Variants in SLC36A1 observed in about 807,000 individuals in gnomAD.
SLC36A1 encodes solute carrier family 36 member 1.
SLC36A1 carries 30 observed loss-of-function variants against 47.5 expected under a neutral mutation model. The observed-to-expected ratio is 0.63, with a 90% confidence interval of 0.47 to 0.86. SLC36A1 has a LOEUF of 0.86. Among genes scored for constraint, SLC36A1 ranks in the 40% least tolerant of loss-of-function variants. The pLI is 0.00. For missense variants in SLC36A1, 517 were observed against 606.0 expected (o/e 0.85, Z 1.54); for synonymous variants, 255 against 249.7 (o/e 1.02, Z -0.20).
chr5:151,518,658 G>T, the SLC36A1 span, among the ~76,000 whole-genome samples: 1 of 152,192 alleles, frequency 6.6e-6, no homozygotes, highest in African/African-American at 2.4e-5. Flanking sequence ...AGACTGTATG[G>T]CCAAAACTTT....
the SLC36A1 span, among the ~76,000 whole-genome samples, chr5:151,370,045 C>T: frequency 1.3e-5 from 2 of 152,142 alleles, no homozygotes; most frequent in South Asian, 2.1e-4. Flanking sequence ...AAGTGATCTG[C>T]CCACCTCGAC....
the SLC36A1 span, among the ~76,000 whole-genome samples, chr5:151,548,340 A>G: frequency 2.0e-5 from 3 of 151,838 alleles, no homozygotes; most frequent in Non-Finnish European, 4.4e-5. Flanking sequence ...ATGTATTATA[A>G]TTATTACAAA....
chr5:151,482,671 G>A (rs1400404418), intron 10 of SLC36A1, among the ~76,000 whole-genome samples: 1 of 152,062 alleles, frequency 6.6e-6, no homozygotes, highest in Non-Finnish European at 1.5e-5. Flanking sequence ...TGACCTCGTG[G>A]TATTCCACTG....
At chr5:151,426,001 T>TCTATCTATCTATCTAC in the SLC36A1 span, among the ~76,000 whole-genome samples, 16 of 151,764 alleles carry the variant, frequency 1.1e-4, no homozygotes, top group Admixed American at 2.0e-4. Flanking sequence ...TATCTATCTA[T>TCTATCTATCTATCTAC]CTATACCTAT....
the SLC36A1 span, among the ~76,000 whole-genome samples, chr5:151,404,981 A>C: frequency 6.6e-6 from 1 of 152,220 alleles, no homozygotes. Flanking sequence ...GTCCTCAAAT[A>C]TGTTTTCCAA....
chr5:151,505,589 G>A, the SLC36A1 span: 2 of 1,614,164 alleles, frequency 1.2e-6, no homozygotes, highest in Non-Finnish European at 1.7e-6. Flanking sequence ...CCTCACAGCT[G>A]CCATAATCAC....
chr5:151,514,097 T>C, the SLC36A1 span, among the ~76,000 whole-genome samples: 1 of 152,248 alleles, frequency 6.6e-6, no homozygotes, highest in African/African-American at 2.4e-5. Context: ...GTGTTTCTTA[T>C]ACATTGGCTA....
At chr5:151,549,324 T>C in the SLC36A1 span, 3 of 1,613,466 alleles carry the variant, frequency 1.9e-6, no homozygotes, top group Middle Eastern at 1.8e-4. Context: ...GACCTCAGCA[T>C]TGACTCCCCG....
the SLC36A1 span, chr5:151,510,047 G>A: frequency 6.2e-7 from 1 of 1,614,140 alleles, no homozygotes. Flanking sequence ...GATGAGGGCA[G>A]TTACAGGAAG....
chr5:151,541,626 C>T, the SLC36A1 span, among the ~76,000 whole-genome samples: 1 of 152,176 alleles, frequency 6.6e-6, no homozygotes, highest in African/African-American at 2.4e-5. Flanking sequence ...CTCTCATGGC[C>T]ACTGGTTAGC....
rs1199552011 is a variant in SLC36A1, at chr5:151,463,138, G to A, written c.144-415G>A. Reference sequence around the variant, plus strand: ...TGATCCACCGCTTCGGCCTCCCAAAGTAGTGGGATTATAGGCATGAGCCAC... The same window carrying A: ...TGATCCACCGCTTCGGCCTCCCAAAATAGTGGGATTATAGGCATGAGCCAC... On this transcript the variant is annotated intron_variant, in intron 2 of 10. Coordinates refer to ENST00000243389, the MANE Select transcript of SLC36A1 (RefSeq NM_078483.4). Among the ~76,000 whole-genome samples the A allele has an allele frequency of 2.6e-5, 4 of 152,186 alleles. No individual in the cohort carries two copies. The South Asian group carries it at 6.2e-4, about 24-fold the overall frequency.
the SLC36A1 span, among the ~76,000 whole-genome samples, chr5:151,363,186 TC>T: frequency 6.6e-6 from 1 of 152,190 alleles, no homozygotes. Flanking sequence ...TGGCTGCCTG[TC>T]CCAGATGGAA....
chr5:151,456,475 A>G (rs1348403387), intron 1 of SLC36A1, among the ~76,000 whole-genome samples: 2 of 152,252 alleles, frequency 1.3e-5, no homozygotes, highest in South Asian at 4.1e-4. Context: ...GCCTCCTGAC[A>G]TACCTGTAAA....
upstream of SLC36A1, among the ~76,000 whole-genome samples, chr5:151,435,593 T>A (rs1318970627): frequency 3.9e-5 from 6 of 152,142 alleles, no homozygotes; most frequent in African/African-American, 1.4e-4. Flanking sequence ...CTATATTTTC[T>A]GCAGTGACTA....
At chr5:151,480,932 C>T (rs1394908173) in intron 10 of SLC36A1, among the ~76,000 whole-genome samples, 1 of 152,206 alleles carries the variant, frequency 6.6e-6, no homozygotes, top group Non-Finnish European at 1.5e-5. Context: ...GTAAAATGTG[C>T]CTTCCTGACT....
At chr5:151,345,431 G>T in the SLC36A1 span, among the ~76,000 whole-genome samples, 1 of 152,190 alleles carries the variant, frequency 6.6e-6, no homozygotes, top group Admixed American at 6.5e-5. Context: ...ATTTTTAAAA[G>T]ATGCTATTTT....
the SLC36A1 span, among the ~76,000 whole-genome samples, chr5:151,416,982 G>A: frequency 6.6e-6 from 1 of 152,158 alleles, no homozygotes; most frequent in Non-Finnish European, 1.5e-5. Flanking sequence ...ACCACCTTGT[G>A]GAGAAGGTGC....
At chr5:151,483,986 C>CT (rs1335496417) in intron 10 of SLC36A1, among the ~76,000 whole-genome samples, 1 of 152,130 alleles carries the variant, frequency 6.6e-6, no homozygotes, top group Non-Finnish European at 1.5e-5. Context: ...GCATGTTTAT[C>CT]TTATATAGTG....
chr5:151,451,496 A>C (rs556078523), intron 1 of SLC36A1, among the ~76,000 whole-genome samples: 51 of 152,332 alleles, frequency 3.3e-4, no homozygotes, highest in African/African-American at 1.2e-3. Context: ...ACCTGGCTTC[A>C]CAATCCAGAG....
Sources: allele counts gnomAD v4.1 joint callset (sites outside exome capture counted in the v4.1 genomes callset), GRCh38; gene constraint gnomAD v4.1.1; transcripts MANE v1.5; gene names NCBI Gene and HGNC (gene_info 2026-07-23, HGNC 2026-07-21).